Variants in RDX observed in about 807,000 individuals in gnomAD.
The protein encoded by RDX is deafness, autosomal recessive 24.
Under a neutral mutation model 83.7 loss-of-function variants are expected in RDX, and 32 were observed. The observed-to-expected ratio is 0.38, with a 90% CI of 0.29 to 0.51. RDX has a LOEUF of 0.51. Ranked by LOEUF, RDX falls within the 20% of genes least tolerant of loss-of-function variation. The probability of loss-of-function intolerance (pLI) is 0.87; values close to 1 mark genes in which losing one functional copy is unlikely to be tolerated. For missense variants in RDX, 600 were observed against 689.9 expected (o/e 0.87, Z 1.46); for synonymous variants, 229 against 222.7 (o/e 1.03, Z -0.25).
chr11:110,218,385 T>G, intron 14 of RDX, among the ~76,000 whole-genome samples: 1 of 152,240 alleles, frequency 6.6e-6, no homozygotes. Flanking sequence ...GTGGCACTGG[T>G]GGTCACATGC....
intron 15 of RDX, among the ~76,000 whole-genome samples, chr11:110,189,801 T>C (rs1863068446): frequency 6.6e-6 from 1 of 152,174 alleles, no homozygotes; most frequent in South Asian, 2.1e-4. Context: ...AAAATTCTTT[T>C]GGCCAGGTGT....
rs1362343721 is a variant in RDX, at chr11:110,179,705, G to C, written c.*32-4471C>G. 2.0e-5 allele frequency among the ~76,000 whole-genome samples: 3 copies of C among 152,072 alleles called. No individual in the cohort carries two copies. The East Asian group carries it at 5.8e-4, about 29-fold the overall frequency. On this transcript the variant is annotated intron_variant, in intron 15 of 15. Transcript: ENST00000528498. The stretch of plus-strand genomic sequence containing the variant: ...GGAGAATCACTTGAACCCAGAGGCA[G>C]AAGTTGCAGTGAGCCAAGATCATAC...
intron 15 of RDX, among the ~76,000 whole-genome samples, chr11:110,192,670 C>CA (rs1863124927): frequency 6.6e-6 from 1 of 151,740 alleles, no homozygotes; most frequent in Non-Finnish European, 1.5e-5. Flanking sequence ...ATTCAAGAAG[C>CA]AAAAAACAAA....
chr11:110,253,172 T>C (rs1010027351), intron 9 of RDX, among the ~76,000 whole-genome samples: 2 of 152,206 alleles, frequency 1.3e-5, no homozygotes, highest in African/African-American at 4.8e-5. Context: ...GGCTTCCTTC[T>C]AGATACAAAG....
intron 2 of RDX, among the ~76,000 whole-genome samples, chr11:110,278,868 A>T (rs954116521): frequency 6.6e-6 from 1 of 152,082 alleles, no homozygotes; most frequent in African/African-American, 2.4e-5. Flanking sequence ...CAAAAAAAAA[A>T]AACAACTCAC....
chr11:110,202,976 G>T (rs960368198), intron 14 of RDX, among the ~76,000 whole-genome samples: 3 of 152,066 alleles, frequency 2.0e-5, no homozygotes, highest in African/African-American at 7.2e-5. Context: ...ACAGTATGGA[G>T]CTACCATATG....
At chr11:110,219,988 C>T (rs1017575213) in intron 14 of RDX, among the ~76,000 whole-genome samples, 1 of 152,044 alleles carries the variant, frequency 6.6e-6, no homozygotes, top group Non-Finnish European at 1.5e-5. Flanking sequence ...GAGGAAGGAA[C>T]CTCACTTATT....
intron 2 of RDX, among the ~76,000 whole-genome samples, chr11:110,278,127 T>C (rs1028180323): frequency 6.6e-6 from 1 of 152,200 alleles, no homozygotes; most frequent in Non-Finnish European, 1.5e-5. Context: ...TGTTGGTGTA[T>C]TTTCATTTCA....
intron 14 of RDX, among the ~76,000 whole-genome samples, chr11:110,221,584 C>CA (rs1468707700): frequency 5.0e-5 from 7 of 138,720 alleles, no homozygotes; most frequent in African/African-American, 1.9e-4. Flanking sequence ...GGCAACAGAG[C>CA]AAGACCCTGT....
intron 15 of RDX, among the ~76,000 whole-genome samples, chr11:110,197,828 A>G (rs1409286934): frequency 1.3e-5 from 2 of 152,242 alleles, no homozygotes; most frequent in African/African-American, 4.8e-5. Flanking sequence ...AATATCAGAA[A>G]TAAGACCAGC....
intron 9 of RDX, among the ~76,000 whole-genome samples, chr11:110,248,332 G>A (rs1859201315): frequency 6.6e-6 from 1 of 152,058 alleles, no homozygotes; most frequent in Admixed American, 6.6e-5. Flanking sequence ...GGTTTTCATT[G>A]TATTACACTT....
Position 110,272,507 on chromosome 11 carries a change from A to G in RDX, c.96+29T>C, listed in dbSNP as rs767779142. 5.6e-6 allele frequency: 8 copies of G among 1,433,946 alleles called. No homozygotes were observed. In the East Asian group the frequency reaches 1.6e-4, roughly 29 times the overall value. 88.8% of individuals were successfully genotyped at this position (1,433,946 alleles called of 1,614,324 possible). A position where few individuals can be genotyped will look rare whatever the true frequency, so the allele number is the denominator to read the frequency against. Reference sequence around the variant, plus strand: ...CAACAACATTCACACTATGGTGTCAAAAGTTGCATATTTCATGCAGTGTAA... The same window carrying G: ...CAACAACATTCACACTATGGTGTCAGAAGTTGCATATTTCATGCAGTGTAA... On this transcript the variant is annotated intron_variant, in intron 3 of 13. Transcript: ENST00000645495.
chr11:110,193,659 CA>C (rs575675077), intron 15 of RDX, among the ~76,000 whole-genome samples: 30 of 152,206 alleles, frequency 2.0e-4, no homozygotes, highest in African/African-American at 7.0e-4. Context: ...ACTCTAAGAA[CA>C]AAAAGAACCT....
chr11:110,210,643 G>C (rs375694888), intron 14 of RDX, among the ~76,000 whole-genome samples: 97 of 150,744 alleles, frequency 6.4e-4, no homozygotes, highest in East Asian at 2.2e-3. Context: ...CGGATCTCTC[G>C]GCAGAAACCC....
At chr11:110,184,819 A>G (rs1862955122) in intron 15 of RDX, among the ~76,000 whole-genome samples, 1 of 152,220 alleles carries the variant, frequency 6.6e-6, no homozygotes, top group African/African-American at 2.4e-5. Context: ...CAGACACGAC[A>G]CATAGAACCT....
At chr11:110,279,140 A>C (rs1295929239) in intron 2 of RDX, among the ~76,000 whole-genome samples, 1 of 152,218 alleles carries the variant, frequency 6.6e-6, no homozygotes. Flanking sequence ...CTAAATATAT[A>C]TCAGATTCTT....
intron 10 of RDX, among the ~76,000 whole-genome samples, chr11:110,241,045 G>C (rs1865074654): frequency 1.0e-5 from 1 of 97,266 alleles, no homozygotes; most frequent in African/African-American, 4.0e-5. Flanking sequence ...GACAGAGTGA[G>C]ACTCTGTCTC....
chr11:110,250,102 T>C (rs768232196), intron 9 of RDX, among the ~76,000 whole-genome samples: 5 of 152,158 alleles, frequency 3.3e-5, no homozygotes, highest in Admixed American at 6.6e-5. Flanking sequence ...TTTAAGGAGA[T>C]ACAAGCTTCC....
At chr11:110,237,045 T>C (rs1219087914) in intron 11 of RDX, among the ~76,000 whole-genome samples, 2 of 151,756 alleles carry the variant, frequency 1.3e-5, no homozygotes, top group East Asian at 3.8e-4. Context: ...TACATCTAAT[T>C]ATTTGCAAGT....
Sources: gnomAD v4.1 joint callset for allele counts (sites outside exome capture counted in the v4.1 genomes callset) on GRCh38, gnomAD v4.1.1 for gene constraint, MANE v1.5 for transcripts, NCBI Gene and HGNC (gene_info 2026-07-23, HGNC 2026-07-21) for gene names.